The following FUBP1 variants were observed in gnomAD, a reference collection of about 807,000 sequenced individuals.
FUBP1 encodes far upstream element-binding protein 1.
Under a neutral mutation model 94.9 loss-of-function variants are expected in FUBP1, and 16 were observed. The observed-to-expected ratio is 0.17, with a 90% CI of 0.11 to 0.26. FUBP1 has a LOEUF of 0.26. Among genes scored for constraint, FUBP1 ranks in the 10% least tolerant of loss-of-function variants. The pLI, the probability that FUBP1 is intolerant of heterozygous loss-of-function variation, is 1.00. For synonymous variants in FUBP1, 279 were observed against 254.9 expected (o/e 1.09, Z -0.90); for missense variants, 583 against 808.6 (o/e 0.72, Z 3.38).
At chr1:77,976,663 T>A (rs994925951) in intron 1 of FUBP1, among the ~76,000 whole-genome samples, 2 of 152,006 alleles carry the variant, frequency 1.3e-5, no homozygotes, top group African/African-American at 4.8e-5. Flanking sequence ...CCGGCTACTT[T>A]TTGTATTTTT....
At chr1:77,952,342 A>C (rs894266500) in intron 18 of FUBP1, among the ~76,000 whole-genome samples, 3 of 152,024 alleles carry the variant, frequency 2.0e-5, no homozygotes, top group African/African-American at 7.2e-5. Flanking sequence ...AATTTTGGGA[A>C]ACTTAACCCA....
intron 2 of FUBP1, among the ~76,000 whole-genome samples, chr1:77,969,642 G>A (rs1657144513): frequency 1.3e-5 from 2 of 151,970 alleles, no homozygotes; most frequent in African/African-American, 2.4e-5. Context: ...TTAACAAGAC[G>A]TCTGTGCAAA....
At chr1:77,955,157 A>G (rs1210621811) in intron 18 of FUBP1, 98 bp downstream of exon 18, 1 of 648,854 alleles carries the variant, frequency 1.5e-6, no homozygotes, top group Non-Finnish European at 2.7e-6. Flanking sequence ...TGATATGTTT[A>G]CAAGTCCAGT....
rs140889177 is a variant in FUBP1 at position 77,960,386 on chromosome 1, T to C, written c.1454A>G (p.Asn485Ser). Residue 485 changes from asparagine (N) to serine (S), a missense_variant, in exon 15 of 20, where the codon AAC becomes AGC. Coordinates refer to ENST00000370768, the MANE Select transcript of FUBP1 (RefSeq NM_003902.5). ...TGGTCCAGGATTATAAGGTGCAGGG[T>C]TGTATGGTCCCATTGGAGTTCCAGG... Reference protein sequence around the residue: ...PGPGTPMGPYNPAPYNPGPPG... With the variant: ...PGPGTPMGPYSPAPYNPGPPG... The C allele has an allele frequency of 1.0e-5, 16 of 1,602,910 alleles. No homozygotes were observed. The African/African-American group carries it at 1.8e-4, about 18-fold the overall frequency.
chr1:77,950,563 T>C (rs772058656), intron 18 of FUBP1, among the ~76,000 whole-genome samples: 35 of 152,200 alleles, frequency 2.3e-4, no homozygotes, highest in Admixed American at 7.9e-4. Flanking sequence ...TTTTAAAAAA[T>C]GATGAAGCTG....
intron 16 of FUBP1, among the ~76,000 whole-genome samples, chr1:77,959,428 G>T (rs1655049001): frequency 6.6e-6 from 1 of 152,112 alleles, no homozygotes; most frequent in Admixed American, 6.6e-5. Flanking sequence ...CTCACATGAA[G>T]TTGTCATATG....
chr1:77,978,791 T>C, intron 1 of FUBP1, 94 bp downstream of exon 1: 7 of 1,446,984 alleles, frequency 4.8e-6, no homozygotes, highest in Non-Finnish European at 6.8e-6. Flanking sequence ...GAACACCTCT[T>C]TCCTCTTCCT....
intron 5 of FUBP1, 37 bp downstream of exon 5, chr1:77,967,012 A>C (rs963720023): frequency 1.3e-6 from 2 of 1,543,910 alleles, no homozygotes; most frequent in Non-Finnish European, 1.8e-6. Flanking sequence ...GTATGTTTTG[A>C]TCATGTTTTC....
At chr1:77,960,626 C>A in intron 14 of FUBP1, 131 bp from the exon 15 acceptor site, 2 of 687,208 alleles carry the variant, frequency 2.9e-6, no homozygotes, top group South Asian at 2.6e-5. Flanking sequence ...TCCTTCCTTT[C>A]CTCATTCATT....
In FUBP1 at chr1:77,944,295, G is replaced by A; in HGVS notation, c.*4471C>T. 1 of 198,456 alleles carries A rather than the reference G, an allele frequency of 5.0e-6. No individual in the cohort carries two copies. The highest frequency in any genetic ancestry group is 1.0e-5 in the Non-Finnish European group (1 of 95,742). 12.3% of individuals were successfully genotyped at this position (198,456 alleles called of 1,614,324 possible). ...CTGTAGAGAACATTTTTCTCAGGACGAAAATGCATCGAGCATGCATAAGAA... is the reference window on the plus strand; with the variant it reads ...CTGTAGAGAACATTTTTCTCAGGACAAAAATGCATCGAGCATGCATAAGAA... On this transcript the variant is annotated 3_prime_UTR_variant, in exon 20 of 20. Transcript: ENST00000370768.
chr1:77,970,590 C>T (rs1657335110), intron 1 of FUBP1, among the ~76,000 whole-genome samples: 1 of 152,168 alleles, frequency 6.6e-6, no homozygotes, highest in Admixed American at 6.5e-5. Flanking sequence ...ATGTGGCTCA[C>T]ATTGTACTTC....
At chr1:77,967,963 A>G (rs1410068426) in intron 3 of FUBP1, among the ~76,000 whole-genome samples, 8 of 152,176 alleles carry the variant, frequency 5.3e-5, no homozygotes, top group African/African-American at 1.9e-4. Flanking sequence ...TTCAGCAACC[A>G]ATCTTTACAT....
intron 16 of FUBP1, among the ~76,000 whole-genome samples, chr1:77,959,690 C>A (rs1655102706): frequency 6.6e-6 from 1 of 152,094 alleles, no homozygotes. Context: ...TACCACCCTG[C>A]CCGGCTAATT....
rs2102425284 is a variant in FUBP1, at chr1:77,967,049, T to C, written c.343A>G (p.Ile115Val). ...YKVPDGMVGF[I>V]IGRGGEQISR... Reference sequence around the variant, plus strand: ...AAACTTTAAAAATCAAGTTACTTACTGAATCCAACCATTCCATCTGGAACT... The same window carrying C: ...AAACTTTAAAAATCAAGTTACTTACCGAATCCAACCATTCCATCTGGAACT... The change falls in exon 5 of 20, where the codon ATA becomes GTA. Residue 115 changes from isoleucine to valine, a missense_variant and splice_region_variant. Coordinates refer to ENST00000370768, the MANE Select transcript of FUBP1 (RefSeq NM_003902.5). 6.3e-7 allele frequency: 1 copy of C among 1,576,120 alleles called. No homozygotes were observed. The highest frequency in any genetic ancestry group is 8.7e-7 in the Non-Finnish European group (1 of 1,147,308).
intron 13 of FUBP1, 90 bp from the exon 14 acceptor site, chr1:77,963,020 T>G: frequency 1.3e-6 from 1 of 774,910 alleles, no homozygotes; most frequent in Non-Finnish European, 2.1e-6. Context: ...AATGGGCCAT[T>G]AAAAATATGG....
At position 77,948,694 on chromosome 1, in the gene FUBP1, C is replaced by A. The variant is rs2102228843; in HGVS notation, c.*72G>T. 6.5e-7 allele frequency: 1 copy of A among 1,547,304 alleles called. No homozygotes were observed. The highest frequency in any genetic ancestry group is 1.3e-5 in the South Asian group (1 of 78,516). The stretch of plus-strand genomic sequence containing the variant: ...AAAATTAAGATCTTCATCAAGTCGT[C>A]TGCATCCATATATTTAACAAAGGTT... On this transcript the variant is annotated 3_prime_UTR_variant, in exon 20 of 20. Coordinates refer to ENST00000370768, the MANE Select transcript of FUBP1 (RefSeq NM_003902.5).
chr1:77,965,204 A>T lies in FUBP1; in HGVS notation c.501T>A (p.Ile167=), dbSNP rs1449809395. ...CAGGAGCTGGTCTTCCTTTTTCAACAATCTGGTCCAGTAACCGTTTTGCTG... is the reference window on the plus strand; with the variant it reads ...CAGGAGCTGGTCTTCCTTTTTCAACTATCTGGTCCAGTAACCGTTTTGCTG... The part of the protein sequence containing the change: ...VQSAKRLLDQ[I]VEKGRPAPGF... The change falls in exon 8 of 20, where the codon ATT becomes ATA. Residue 167 remains isoleucine (I), a synonymous_variant. Coordinates refer to ENST00000370768, the MANE Select transcript of FUBP1 (RefSeq NM_003902.5). 3 of 1,608,644 alleles carry T rather than the reference A, an allele frequency of 1.9e-6. No homozygotes were observed. Among genetic ancestry groups the T allele is most frequent in the Non-Finnish European group, 2.6e-6 (3 of 1,175,380 alleles).
At chr1:77,953,192 T>C (rs1358305004) in intron 18 of FUBP1, among the ~76,000 whole-genome samples, 1 of 150,902 alleles carries the variant, frequency 6.6e-6, no homozygotes, top group African/African-American at 2.4e-5. Flanking sequence ...GTTTTGCTCA[T>C]AAAATTAACA....
rs767160398 is a variant in FUBP1 at position 77,968,162 on chromosome 1, T to C, written c.250+3A>G. On this transcript the variant is annotated splice_donor_region_variant and intron_variant, in intron 3 of 19. Coordinates refer to ENST00000370768, the MANE Select transcript of FUBP1 (RefSeq NM_003902.5). ...TTTGACCCAGTTTAAAAGGAATACT[T>C]ACAGTCATTTTGAGGAGCAACTTTC... The C allele has an allele frequency of 1.3e-6, 2 of 1,515,910 alleles. No homozygotes were observed. The highest frequency in any genetic ancestry group is 2.4e-5 in the Admixed American group (1 of 41,036). 93.9% of individuals were successfully genotyped at this position (1,515,910 alleles called of 1,614,324 possible). A position where few individuals can be genotyped will look rare whatever the true frequency, so the allele number is the denominator to read the frequency against.
Sources: allele counts gnomAD v4.1 joint callset (sites outside exome capture counted in the v4.1 genomes callset), GRCh38; gene constraint gnomAD v4.1.1; transcripts MANE v1.5; gene names NCBI Gene and HGNC (gene_info 2026-07-23, HGNC 2026-07-21).